MAX: variants seen among roughly 807,000 people sequenced by gnomAD.
The protein encoded by MAX is MYC associated transcriptional regulator X.
In MAX, 3 loss-of-function variants were observed where a neutral mutation model predicts 22.3. The ratio of observed to expected loss-of-function variants is 0.13; its 90% CI spans 0.06 to 0.35. The LOEUF is 0.35. MAX is among the 10% of genes least tolerant of loss of function. The probability of loss-of-function intolerance (pLI) is 1.00; values close to 1 mark genes in which losing one functional copy is unlikely to be tolerated. For synonymous variants in MAX, 72 were observed against 77.7 expected (o/e 0.93, Z 0.39); for missense variants, 119 against 209.4 (o/e 0.57, Z 2.66).
intron 3 of MAX, among the ~76,000 whole-genome samples, chr14:65,080,336 T>G (rs1421818503): frequency 6.6e-6 from 1 of 152,228 alleles, no homozygotes; most frequent in Non-Finnish European, 1.5e-5. Context: ...CAATGGATAC[T>G]TCAGACACTG....
rs970311646 is a variant in MAX at position 65,038,441 on chromosome 14, C to T, written c.172-32157G>A. 4.6e-4 allele frequency among the ~76,000 whole-genome samples: 69 copies of T among 149,358 alleles called. 2 individuals are homozygous for T. The highest frequency in any genetic ancestry group is 1.6e-3 in the African/African-American group (63 of 40,578). ...AATAAATAAATAAAAATAATACTGC[C>T]GGGTGCAGTGGCTCATACCTGTAAT... On this transcript the variant is annotated intron_variant, in intron 3 of 3. Transcript: ENST00000341653.
At chr14:65,025,674 G>A (rs1393696267) in intron 3 of MAX, among the ~76,000 whole-genome samples, 1 of 152,102 alleles carries the variant, frequency 6.6e-6, no homozygotes, top group Non-Finnish European at 1.5e-5. Flanking sequence ...AACTAGCCAG[G>A]CGTGGTGGCT....
intron 3 of MAX, among the ~76,000 whole-genome samples, chr14:65,041,087 T>C (rs1288146096): frequency 6.6e-6 from 1 of 152,206 alleles, no homozygotes; most frequent in Non-Finnish European, 1.5e-5. Context: ...GGCTCCCCCT[T>C]CTGCCTTTCT....
intron 3 of MAX, among the ~76,000 whole-genome samples, chr14:65,034,205 C>T (rs1025426723): frequency 5.3e-5 from 8 of 152,194 alleles, no homozygotes; most frequent in Non-Finnish European, 1.2e-4. Flanking sequence ...GCCCTCTGCC[C>T]TCCTGCTTCA....
In MAX at chr14:65,102,176, C is replaced by T. The variant is rs529629225; in HGVS notation, c.36+128G>A. The T allele has an allele frequency of 2.6e-6, 4 of 1,530,578 alleles. No individual in the cohort carries two copies. In the South Asian group the frequency reaches 3.6e-5, roughly 14 times the overall value. 94.8% of individuals were successfully genotyped at this position (1,530,578 alleles called of 1,614,324 possible). A position where few individuals can be genotyped will look rare whatever the true frequency, so the allele number is the denominator to read the frequency against. Reference sequence around the variant, plus strand: ...AACCGGGAACGCGACGGAGGCACTCCTGGCCCCGAGGGGAAGGGGAAGGAG... The same window carrying T: ...AACCGGGAACGCGACGGAGGCACTCTTGGCCCCGAGGGGAAGGGGAAGGAG... On this transcript the variant is annotated intron_variant, in intron 1 of 4. Transcript: ENST00000358664.
intron 2 of MAX, among the ~76,000 whole-genome samples, chr14:65,096,019 G>A (rs1408366252): frequency 6.6e-6 from 1 of 152,110 alleles, no homozygotes; most frequent in Admixed American, 6.5e-5. Context: ...CAAGTCTCTC[G>A]GTTGGAGGAT....
chr14:65,018,846 C>T (rs1307474925), intron 3 of MAX, among the ~76,000 whole-genome samples: 1 of 149,692 alleles, frequency 6.7e-6, no homozygotes, highest in African/African-American at 2.5e-5. Flanking sequence ...CGCGGTGGCT[C>T]ACACCTGTAA....
intron 3 of MAX, among the ~76,000 whole-genome samples, chr14:65,092,170 C>A (rs900238994): frequency 1.6e-4 from 25 of 152,158 alleles, no homozygotes; most frequent in African/African-American, 6.0e-4. Flanking sequence ...CCAATGTATT[C>A]AAACTTAAGA....
chr14:65,071,686 C>T (rs1255934233), downstream of MAX, among the ~76,000 whole-genome samples: 1 of 152,256 alleles, frequency 6.6e-6, no homozygotes, highest in African/African-American at 2.4e-5. This position sits in a 1 kb window ranked among gnomAD's most constrained non-coding sequence, Gnocchi z 4.2. Context: ...GCAGTCCAGA[C>T]AGGCGGGCTC....
rs1189098765 is a variant in MAX, at chr14:65,084,630, TATTATA to T, written c.172-6600_172-6595del. Among the ~76,000 whole-genome samples the T allele has an allele frequency of 1.3e-5, 2 of 152,136 alleles. No individual in the cohort carries two copies. The highest frequency in any genetic ancestry group is 1.9e-4 in the East Asian group (1 of 5,202). ...ATGGCTACATATACAGAGATGTCCA[TATTATA>T]ATTATAAATTTTAAATTTTAAAAAT... On this transcript the variant is annotated intron_variant, in intron 3 of 4. Transcript: ENST00000358664. This position sits in a 1 kb window ranked among gnomAD's most constrained non-coding sequence, Gnocchi z 4.3.
At chr14:65,049,676 A>G (rs927436024) in intron 3 of MAX, among the ~76,000 whole-genome samples, 1 of 152,196 alleles carries the variant, frequency 6.6e-6, no homozygotes, top group African/African-American at 2.4e-5. Context: ...GCCACAGGTT[A>G]TCATTTACCT....
rs2062875424 is a variant in MAX at position 65,062,109 on chromosome 14, A to C, written c.171+31599T>G. On this transcript the variant is annotated intron_variant, in intron 3 of 3. Transcript: ENST00000341653. The surrounding 1 kb of genome is among the most constrained non-coding windows in gnomAD (Gnocchi z 4.3). The stretch of plus-strand genomic sequence containing the variant: ...CACTCCTCCCTATCATGTACCGTGA[A>C]AACCCCCTCTGATGGCCTCAAGGCA... 1 of 152,338 alleles carries C rather than the reference A, an allele frequency of 6.6e-6. No individual in the cohort carries two copies. The highest frequency in any genetic ancestry group is 2.4e-5 in the African/African-American group (1 of 41,460). 9.4% of individuals were successfully genotyped at this position (152,338 alleles called of 1,614,324 possible).
chr14:65,038,544 CCT>C (rs1013959250), intron 3 of MAX, among the ~76,000 whole-genome samples: 2 of 151,730 alleles, frequency 1.3e-5, no homozygotes, highest in Admixed American at 1.3e-4. Context: ...ATGGTGAAAC[CCT>C]GTCTTTACTA....
chr14:65,079,221 C>T lies in MAX; in HGVS notation c.172-1185G>A, dbSNP rs1276897534. The stretch of plus-strand genomic sequence containing the variant: ...CCACTGTTAACTATTCCGAACTGAA[C>T]AATGCTGCTGTGTCACTACTTCAGC... On this transcript the variant is annotated intron_variant, in intron 3 of 4. Coordinates refer to ENST00000358664, the MANE Select transcript of MAX (RefSeq NM_002382.5). The surrounding 1 kb of genome is among the most constrained non-coding windows in gnomAD (Gnocchi z 4.5). 6.6e-6 allele frequency among the ~76,000 whole-genome samples: 1 copy of T among 152,202 alleles called. No individual in the cohort carries two copies. Among genetic ancestry groups the T allele is most frequent in the Non-Finnish European group, 1.5e-5 (1 of 68,042 alleles).
At chr14:65,098,423 A>C (rs983756747) in intron 2 of MAX, among the ~76,000 whole-genome samples, 1 of 152,350 alleles carries the variant, frequency 6.6e-6, no homozygotes, top group Admixed American at 6.5e-5. Context: ...GGAATTGCAC[A>C]AATCTGTTTT....
intron 3 of MAX, among the ~76,000 whole-genome samples, chr14:65,052,101 A>G (rs2062628977): frequency 6.6e-6 from 1 of 152,164 alleles, no homozygotes; most frequent in South Asian, 2.1e-4. Context: ...GGCCCACCAT[A>G]GGAATTTATA....
At chr14:65,090,061 T>G (rs2063457902) in intron 3 of MAX, 1 of 152,172 alleles carries the variant, frequency 6.6e-6, no homozygotes, top group Non-Finnish European at 1.5e-5. Context: ...CTATGTGAAC[T>G]CAGAAAGAAA....
intron 3 of MAX, among the ~76,000 whole-genome samples, chr14:65,040,372 AATT>A (rs1278504801): frequency 6.6e-6 from 1 of 150,874 alleles, no homozygotes; most frequent in Non-Finnish European, 1.5e-5. Flanking sequence ...TAATAATTTG[AATT>A]ATTATGTTTC....
intron 3 of MAX, among the ~76,000 whole-genome samples, chr14:65,039,722 A>T (rs2062300557): frequency 6.6e-6 from 1 of 152,210 alleles, no homozygotes; most frequent in Non-Finnish European, 1.5e-5. Flanking sequence ...GAAAGAAAAG[A>T]GGTTTATTTG....
Sources: allele counts gnomAD v4.1 joint callset (sites outside exome capture counted in the v4.1 genomes callset), GRCh38; gene constraint gnomAD v4.1.1; non-coding constraint Gnocchi (gnomAD v3.1); transcripts MANE v1.5; gene names NCBI Gene and HGNC (gene_info 2026-07-23, HGNC 2026-07-21).